DPP7: variants seen among roughly 807,000 people sequenced by gnomAD.
The protein encoded by DPP7 is dipeptidyl peptidase 2.
Under a neutral mutation model 58.8 loss-of-function variants are expected in DPP7, and 74 were observed. The observed-to-expected ratio is 1.26, with a 90% CI of 1.04 to 1.53. The LOEUF (loss-of-function observed/expected upper bound fraction) is 1.53. Among genes scored for constraint, DPP7 ranks in the 40% most tolerant of loss-of-function variants. The pLI is 0.00. For missense variants in DPP7, 807 were observed against 692.3 expected, an observed-to-expected ratio of 1.17 and a Z score of -1.86; for synonymous variants, 350 against 303.6, an observed-to-expected ratio of 1.15 and a Z score of -1.59.
At chr9:137,113,788 G>A (rs1000928527) in intron 4 of DPP7, 77 bp downstream of exon 4, 310 of 1,392,248 alleles carry the variant, frequency 2.2e-4, no homozygotes, top group Non-Finnish European at 2.6e-4. Context: ...GAGTCAGAGG[G>A]GAGTGGGGAG....
At chr9:137,115,069 A>C (rs971514554), upstream of DPP7, 17 of 205,818 alleles carry the variant, frequency 8.3e-5, no homozygotes, top group Non-Finnish European at 1.2e-4. Flanking sequence ...ACTCCAAGGC[A>C]GGGCCGGGAG....
At position 137,113,013 on chromosome 9, in the gene DPP7, G is replaced by T. The variant is rs750530772; in HGVS notation, c.810C>A (p.Ala270=). Residue 270 remains alanine, a synonymous_variant, in exon 7 of 13, where the codon GCC becomes GCA. Transcript: ENST00000371579. ...MFARNAFTVL[A]MMDYPYPTDF... is the part of the protein sequence containing the mutation. ...CAGTGGGGTAGGGGTAGTCCATCAT[G>T]GCCAGCACGGTGAAGGCATTCCGGG... 4 of 1,613,796 alleles carry T rather than the reference G, an allele frequency of 2.5e-6. No individual in the cohort carries two copies. Among genetic ancestry groups the T allele is most frequent in the Non-Finnish European group, 3.4e-6 (4 of 1,180,022 alleles).
intron 12 of DPP7, 21 bp downstream of exon 12, chr9:137,110,859 C>T: frequency 6.2e-7 from 1 of 1,609,080 alleles, no homozygotes; most frequent in Non-Finnish European, 8.5e-7. Context: ...GCGACCACCG[C>T]CAGGCCACCT....
upstream of DPP7, chr9:137,115,186 G>A (rs1831594602): frequency 6.5e-6 from 1 of 153,480 alleles, no homozygotes. Flanking sequence ...ATAACGGGCT[G>A]GGCTTGGCGG....
At chr9:137,115,598 G>A (rs115329975), upstream of DPP7, among the ~76,000 whole-genome samples, 1,231 of 152,214 alleles carry the variant, frequency 8.1e-3, 18 homozygotes, top group African/African-American at 0.028. Context: ...GACTACCCTC[G>A]GCCAGCATGA....
chr9:137,111,681 A>G lies in DPP7; in HGVS notation c.1272+9T>C. The stretch of plus-strand genomic sequence containing the variant: ...CTAACGGGGTCATAGGGCCCAGGCC[A>G]GGACTCACCCCGCCCCCTGCCCAGG... On this transcript the variant is annotated intron_variant, in intron 11 of 12. Transcript: ENST00000371579. The G allele has an allele frequency of 6.2e-7, 1 of 1,612,668 alleles. No individual in the cohort carries two copies. Among genetic ancestry groups the G allele is most frequent in the Non-Finnish European group, 8.5e-7 (1 of 1,179,754 alleles).
At chr9:137,113,537 C>A in intron 4 of DPP7, 41 bp from the exon 5 acceptor site, 1 of 1,514,314 alleles carries the variant, frequency 6.6e-7, no homozygotes, top group African/African-American at 1.4e-5. Flanking sequence ...GCCCCCAACA[C>A]CCCATTTCCT....
upstream of DPP7, among the ~76,000 whole-genome samples, chr9:137,115,769 C>G (rs530209815): frequency 6.6e-6 from 1 of 152,306 alleles, no homozygotes; most frequent in South Asian, 2.1e-4. Context: ...TCACGTCACA[C>G]TGCAACACGA....
At chr9:137,113,780 G>A (rs1831496217) in intron 4 of DPP7, 85 bp downstream of exon 4, 2 of 1,381,472 alleles carry the variant, frequency 1.4e-6, no homozygotes, top group Non-Finnish European at 1.9e-6. Context: ...AGCGGTGGGA[G>A]TCAGAGGGGA....
At chr9:137,112,297 C>G (rs1312701606) in intron 8 of DPP7, 67 bp from the exon 9 acceptor site, 2 of 1,327,390 alleles carry the variant, frequency 1.5e-6, no homozygotes, top group African/African-American at 2.9e-5. Flanking sequence ...GGCCACCAAC[C>G]TGTCCCCCCT....
chr9:137,115,591 T>G (rs990386182), upstream of DPP7, among the ~76,000 whole-genome samples: 22 of 152,208 alleles, frequency 1.4e-4, no homozygotes, highest in Middle Eastern at 6.8e-3. Context: ...CTCCCAAGAC[T>G]ACCCTCGGCC....
chr9:137,113,801 G>A lies in DPP7; in HGVS notation c.485+64C>T, dbSNP rs561768710. On this transcript the variant is annotated intron_variant, in intron 4 of 12. Transcript: ENST00000371579. ...GGGAGTCAGAGGGGAGTGGGGAGAA[G>A]GGCTGGGGGCGCTGGGTCGGGGCAG... 432 of 1,407,494 alleles carry A rather than the reference G, an allele frequency of 3.1e-4. 2 individuals carry two copies. The African/African-American group carries it at 5.7e-3, about 18-fold the overall frequency. The allele number at this position is 1,407,494 out of a possible 1,614,324, so 87.2% of individuals were successfully genotyped here. A position where few individuals can be genotyped will look rare whatever the true frequency, so the allele number is the denominator to read the frequency against.
At chr9:137,115,940 C>A (rs1469027509), upstream of DPP7, among the ~76,000 whole-genome samples, 1 of 152,094 alleles carries the variant, frequency 6.6e-6, no homozygotes, top group East Asian at 1.9e-4. Flanking sequence ...CGGCGTCCCC[C>A]ACCCCACACC....
At position 137,110,564 on chromosome 9, in the gene DPP7, T is replaced by C; in HGVS notation, c.*84A>G. 1 of 1,519,396 alleles carries C rather than the reference T, an allele frequency of 6.6e-7. No individual in the cohort carries two copies. The highest frequency in any genetic ancestry group is 1.3e-5 in the South Asian group (1 of 79,668). The allele number at this position is 1,519,396 out of a possible 1,614,324, so 94.1% of individuals were successfully genotyped here. A position where few individuals can be genotyped will look rare whatever the true frequency, so the allele number is the denominator to read the frequency against. On this transcript the variant is annotated 3_prime_UTR_variant, in exon 13 of 13. Transcript: ENST00000371579. Reference sequence around the variant, plus strand: ...ATACATGGCCAGGCCTCCAGGCGTTTATTCAGCCCCTTCCCTCTGCCGCCA... The same window carrying C: ...ATACATGGCCAGGCCTCCAGGCGTTCATTCAGCCCCTTCCCTCTGCCGCCA...
intron 3 of DPP7, 40 bp from the exon 4 acceptor site, chr9:137,114,068 C>G (rs1377262379): frequency 8.0e-7 from 1 of 1,244,552 alleles, no homozygotes; most frequent in South Asian, 3.1e-5. Flanking sequence ...CGCGACCCCG[C>G]CCGGCACCCG....
In DPP7 at chr9:137,111,743, C is replaced by T. The variant is rs756944196; in HGVS notation, c.1219G>A (p.Ala407Thr). ...CCGTTGGAGAAGATGATGTTGCTGG[C>T]GGCTCTGAGATCTGCAAGGGGCAGA... ...TSFWGGDLRA[A>T]SNIIFSNGNL... Residue 407 changes from alanine to threonine, a missense_variant, in exon 11 of 13, where the codon GCC (alanine) becomes ACC (threonine). Ala to Thr is a moderately conservative substitution (Grantham distance 58, BLOSUM62 0). Coordinates refer to ENST00000371579, the MANE Select transcript of DPP7 (RefSeq NM_013379.3). 74 of 1,613,590 alleles carry T rather than the reference C, an allele frequency of 4.6e-5. No individual in the cohort carries two copies. The highest frequency in any genetic ancestry group is 6.6e-5 in the South Asian group (6 of 91,080).
At chr9:137,117,340 G>A (rs1403436861), upstream of DPP7, among the ~76,000 whole-genome samples, 1 of 152,210 alleles carries the variant, frequency 6.6e-6, no homozygotes, top group Non-Finnish European at 1.5e-5. Flanking sequence ...TCACCCAAGG[G>A]GCAAGTGAGC....
chr9:137,112,199 G>A lies in DPP7; in HGVS notation c.963C>T (p.His321=), dbSNP rs1213943883. 1.2e-6 allele frequency: 2 copies of A among 1,604,752 alleles called. No individual in the cohort carries two copies. Among genetic ancestry groups the A allele is most frequent in the African/African-American group, 1.3e-5 (1 of 75,016 alleles). ...GGTAGAGCCGGTAGATGTCGTAGCA[G>A]TGCTCGGAGCCCGAGGCGTTGTAGA... ...GLVYNASGSE[H]CYDIYRLYHS... The change falls in exon 9 of 13, where the codon CAC becomes CAT. Residue 321 remains histidine, a synonymous_variant. Transcript: ENST00000371579.
At chr9:137,112,854 C>A in intron 7 of DPP7, 49 bp from the exon 8 acceptor site, 1 of 1,602,056 alleles carries the variant, frequency 6.2e-7, no homozygotes, top group Non-Finnish European at 8.5e-7. Context: ...TCCACCAGCT[C>A]CGCCTCCCTG....
Sources: gnomAD v4.1 joint callset for allele counts (sites outside exome capture counted in the v4.1 genomes callset) on GRCh38, gnomAD v4.1.1 for gene constraint, MANE v1.5 for transcripts, NCBI Gene and HGNC (gene_info 2026-07-23, HGNC 2026-07-21) for gene names.